PDCD6IP: variants seen among roughly 807,000 people sequenced by gnomAD.
The protein encoded by PDCD6IP is programmed cell death 6-interacting protein.
A neutral mutation model predicts 103.7 loss-of-function variants in PDCD6IP; 43 were observed. That is an observed-to-expected ratio of 0.41 (90% CI 0.32 to 0.53). PDCD6IP has a LOEUF of 0.53. Ranked by LOEUF, PDCD6IP falls within the 20% of genes least tolerant of loss-of-function variation. The pLI is 0.16. For missense variants in PDCD6IP, 871 were observed against 1,036.7 expected (o/e 0.84, Z 2.20); for synonymous variants, 354 against 378.7 (o/e 0.93, Z 0.76).
Position 33,868,218 on chromosome 3 carries a change from G to A in PDCD6IP, c.*1693G>A, listed in dbSNP as rs146612667. 4 of 152,226 alleles carry A rather than the reference G, an allele frequency of 2.6e-5. No homozygotes were observed. In the East Asian group the frequency reaches 7.7e-4, roughly 29 times the overall value. The allele number at this position is 152,226 out of a possible 1,614,324, so 9.4% of individuals were successfully genotyped here. ...TTTAAGTTCCACATTCTTATTACTT[G>A]AGGTACTTTATACTAACATAAGACA... On this transcript the variant is annotated 3_prime_UTR_variant, in exon 18 of 18. Transcript: ENST00000307296.
chr3:33,857,791 T>A (rs1343730159), intron 15 of PDCD6IP, among the ~76,000 whole-genome samples: 4 of 152,116 alleles, frequency 2.6e-5, no homozygotes, highest in Non-Finnish European at 4.4e-5. Flanking sequence ...AACATGAAAA[T>A]ATATATATGT....
At chr3:33,843,247 G>C (rs1242908479) in intron 10 of PDCD6IP, among the ~76,000 whole-genome samples, 1 of 152,170 alleles carries the variant, frequency 6.6e-6, no homozygotes, top group Non-Finnish European at 1.5e-5. Context: ...AGAATCACCT[G>C]TTTGGAAGTA....
chr3:33,846,451 G>A (rs1020560938), intron 12 of PDCD6IP, among the ~76,000 whole-genome samples: 1 of 152,116 alleles, frequency 6.6e-6, no homozygotes, highest in African/African-American at 2.4e-5. Context: ...GATCCATTGT[G>A]GAATATTAGT....
chr3:33,812,212 G>A (rs1258087319), intron 2 of PDCD6IP, 86 bp downstream of exon 2: 1 of 1,485,646 alleles, frequency 6.7e-7, no homozygotes. Flanking sequence ...AGAGTTTTAT[G>A]AGATAGTGTT....
At chr3:33,803,374 G>A (rs570684701) in intron 1 of PDCD6IP, among the ~76,000 whole-genome samples, 30 of 152,194 alleles carry the variant, frequency 2.0e-4, no homozygotes, top group African/African-American at 7.0e-4. Context: ...CCTTTAGTTT[G>A]CATTCCTCTT....
chr3:33,804,257 G>T (rs1255254529), intron 1 of PDCD6IP, among the ~76,000 whole-genome samples: 1 of 152,154 alleles, frequency 6.6e-6, no homozygotes, highest in African/African-American at 2.4e-5. Flanking sequence ...TGAATCTCAG[G>T]TTCCGCACAG....
chr3:33,806,237 A>G (rs988581243), intron 1 of PDCD6IP, among the ~76,000 whole-genome samples: 7 of 152,214 alleles, frequency 4.6e-5, no homozygotes, highest in Admixed American at 2.0e-4. Context: ...CAAAACAGTA[A>G]TCTGTAACTA....
At chr3:33,826,620 G>A in intron 6 of PDCD6IP, 40 bp downstream of exon 6, 1 of 1,606,310 alleles carries the variant, frequency 6.2e-7, no homozygotes, top group Non-Finnish European at 8.5e-7. Context: ...TACTTTGCAT[G>A]TGAAATATTT....
At chr3:33,852,357 A>C in intron 12 of PDCD6IP, 131 bp from the exon 13 acceptor site, 1 of 1,399,620 alleles carries the variant, frequency 7.1e-7, no homozygotes, top group Non-Finnish European at 9.3e-7. Context: ...CTGACGTTCA[A>C]TTTATATTTG....
Position 33,845,403 on chromosome 3 carries a change from T to G in PDCD6IP, c.1472-16T>G, listed in dbSNP as rs1277740173. 6.9e-6 allele frequency: 11 copies of G among 1,605,422 alleles called. No homozygotes were observed. The East Asian group carries it at 2.5e-4, about 36-fold the overall frequency. ...AGAATCACTTCTGTGCTCTGCAAAC[T>G]TTTATTTTCTCCCAGAGGGAACCAA... On this transcript the variant is annotated splice_polypyrimidine_tract_variant and intron_variant, in intron 11 of 17. Transcript: ENST00000307296.
At chr3:33,840,824 AAG>A (rs146120496) in intron 9 of PDCD6IP, among the ~76,000 whole-genome samples, 190 of 152,300 alleles carry the variant, frequency 1.2e-3, no homozygotes, top group South Asian at 2.3e-3. Flanking sequence ...ATTCTGTTGA[AAG>A]AGAGCAAAAA....
intron 3 of PDCD6IP, among the ~76,000 whole-genome samples, chr3:33,821,619 AAAT>A (rs1488843389): frequency 6.6e-6 from 1 of 152,226 alleles, no homozygotes; most frequent in African/African-American, 2.4e-5. Context: ...AGAAAAATGG[AAAT>A]AATTTATTCA....
Position 33,845,430 on chromosome 3 carries a change from T to C in PDCD6IP, c.1483T>C (p.Phe495Leu). Residue 495 changes from phenylalanine (F) to leucine (L), a missense_variant, in exon 12 of 18, where the codon TTC (phenylalanine) becomes CTC (leucine). By Grantham distance (22) the Phe-to-Leu change is conservative (BLOSUM62 0). Transcript: ENST00000307296. ...TTATTTTCTCCCAGAGGGAACCAAC[T>C]TCAGAACAGTTTTAGATAAAGCTGT... Reference protein sequence around the residue: ...YKPLRAEGTNFRTVLDKAVQA... With the variant: ...YKPLRAEGTNLRTVLDKAVQA... The C allele has an allele frequency of 6.2e-7, 1 of 1,612,716 alleles. No individual in the cohort carries two copies. The highest frequency in any genetic ancestry group is 8.5e-7 in the Non-Finnish European group (1 of 1,179,274).
rs116459194 is a variant in PDCD6IP at position 33,865,315 on chromosome 3, G to A, written c.2317G>A (p.Ala773Thr). The A allele has an allele frequency of 1.3e-6, 2 of 1,594,360 alleles. No homozygotes were observed. Among genetic ancestry groups the A allele is most frequent in the Non-Finnish European group, 1.7e-6 (2 of 1,171,474 alleles). Reference sequence around the variant, plus strand: ...AGCAAATCGAGCTCCTTCTGCTACTGCTCCATCTCCAGTGGGGGCTGGGAC... The same window carrying A: ...AGCAAATCGAGCTCCTTCTGCTACTACTCCATCTCCAGTGGGGGCTGGGAC... ...LPANRAPSAT[A>T]PSPVGAGTAA... Residue 773 changes from alanine to threonine, a missense_variant, in exon 17 of 18, where the codon GCT becomes ACT. Physicochemically the swap from Ala to Thr is moderately conservative, Grantham distance 58. Transcript: ENST00000307296.
In PDCD6IP at chr3:33,798,874, T is replaced by C; in HGVS notation, c.146T>C (p.Leu49Pro). The change falls in exon 1 of 18, where the codon CTG becomes CCG. Residue 49 changes from leucine to proline, a missense_variant. Leu to Pro is a moderately conservative substitution (Grantham distance 98, BLOSUM62 -3). Transcript: ENST00000307296. Reference protein sequence around the residue: ...YCRAAEELSKLRRAAVGRPLD... With the variant: ...YCRAAEELSKPRRAAVGRPLD... ...CGCGCGGCGGAGGAGCTCAGCAAGC[T>C]GCGCCGCGCCGCAGTCGGTCGTCCG... 3 of 1,549,520 alleles carry C rather than the reference T, an allele frequency of 1.9e-6. No individual in the cohort carries two copies. Among genetic ancestry groups the C allele is most frequent in the Non-Finnish European group, 2.6e-6 (3 of 1,145,874 alleles).
At chr3:33,838,754 A>ATGTG (rs371718093) in intron 9 of PDCD6IP, among the ~76,000 whole-genome samples, 2,289 of 150,016 alleles carry the variant, frequency 0.015, 24 homozygotes, top group South Asian at 0.026. Context: ...TTATATGTAT[A>ATGTG]TGTGTGTGTG....
intron 5 of PDCD6IP, among the ~76,000 whole-genome samples, chr3:33,825,935 A>G (rs1362231342): frequency 6.6e-6 from 1 of 152,192 alleles, no homozygotes; most frequent in Non-Finnish European, 1.5e-5. Context: ...CCTAAATGAC[A>G]AGAAGGAGTC....
At chr3:33,813,462 C>A (rs1428154617) in intron 2 of PDCD6IP, 97 bp from the exon 3 acceptor site, 1 of 741,744 alleles carries the variant, frequency 1.3e-6, no homozygotes, top group Non-Finnish European at 2.3e-6. Context: ...GAGCTTTTGT[C>A]CTTTTTTTCA....
intron 17 of PDCD6IP, 41 bp from the exon 18 acceptor site, chr3:33,866,310 T>C: frequency 8.3e-7 from 1 of 1,208,568 alleles, no homozygotes; most frequent in Non-Finnish European, 1.1e-6. Context: ...TTTTTTAGTA[T>C]TTGATTTACC....
Sources: gnomAD v4.1 joint callset for allele counts (sites outside exome capture counted in the v4.1 genomes callset) on GRCh38, gnomAD v4.1.1 for gene constraint, MANE v1.5 for transcripts, NCBI Gene and HGNC (gene_info 2026-07-23, HGNC 2026-07-21) for gene names.